Variants in DNAJC10 observed in about 807,000 individuals in gnomAD.
DNAJC10 encodes endoplasmic reticulum disulfide reductase DNAJC10.
A neutral mutation model predicts 115.0 loss-of-function variants in DNAJC10; 101 were observed. That is an observed-to-expected ratio of 0.88 (90% CI 0.75 to 1.04). The LOEUF (loss-of-function observed/expected upper bound fraction) is 1.04. Among genes scored for constraint, DNAJC10 ranks in the 50% least tolerant of loss-of-function variants. The pLI is 0.00. For synonymous variants in DNAJC10, 307 were observed against 301.5 expected (o/e 1.02, Z -0.19); for missense variants, 981 against 928.8 (o/e 1.06, Z -0.73).
rs1488746981 is a variant in DNAJC10 at position 182,778,680 on chromosome 2, CTCTG to C, written c.*1553_*1556del. ...CTCCCATCTTTTTCGCTACTATATA[CTCTG>C]TCTGGATTCTGCTGTATGCCTGTTG... is the stretch of plus-strand genomic sequence containing the variant. On this transcript the variant is annotated 3_prime_UTR_variant, in exon 24 of 24. Transcript: ENST00000264065. 1 of 152,164 alleles carries C rather than the reference CTCTG, an allele frequency of 6.6e-6. No individual in the cohort carries two copies. The highest frequency in any genetic ancestry group is 1.5e-5 in the Non-Finnish European group (1 of 68,038). 9.4% of individuals were successfully genotyped at this position (152,164 alleles called of 1,614,324 possible).
chr2:182,776,475 TA>T (rs879803583), intron 23 of DNAJC10, among the ~76,000 whole-genome samples: 3 of 152,210 alleles, frequency 2.0e-5, no homozygotes, highest in Admixed American at 2.0e-4. Context: ...AAATGGAATT[TA>T]ATACAATCAC....
rs1189964751 is a variant in DNAJC10 at position 182,720,037 on chromosome 2, AAAAT to A, written c.241_244del (p.Asn81GlufsTer51). The stretch of plus-strand genomic sequence containing the variant: ...CCCAAATGCACATGGCGATTTTTTA[AAAAT>A]AAATAGAGCATATGAAGTACTCAAA... On this transcript the variant is annotated frameshift_variant, in exon 4 of 24. Coordinates refer to ENST00000264065, the MANE Select transcript of DNAJC10 (RefSeq NM_018981.4). LOFTEE classifies it high-confidence loss of function. The A allele has an allele frequency of 6.3e-7, 1 of 1,579,612 alleles. No homozygotes were observed. Among genetic ancestry groups the A allele is most frequent in the South Asian group, 1.1e-5 (1 of 87,594 alleles).
intron 7 of DNAJC10, 54 bp downstream of exon 7, chr2:182,729,048 A>T: frequency 6.4e-7 from 1 of 1,557,574 alleles, no homozygotes; most frequent in Admixed American, 1.7e-5. Context: ...GACAAGTTAA[A>T]TAGTAGAGAA....
intron 21 of DNAJC10, 88 bp downstream of exon 21, chr2:182,759,395 T>TGTATGTATGTAAAA (rs1438709453): frequency 7.5e-7 from 1 of 1,336,702 alleles, no homozygotes; most frequent in African/African-American, 1.5e-5. Context: ...TTTTTAGGTT[T>TGTATGTATGTAAAA]TTTTCTTAAA....
rs576897988 is a variant in DNAJC10, at chr2:182,718,850, A to G, written c.204+560A>G. Among the ~76,000 whole-genome samples the G allele has an allele frequency of 2.0e-5, 3 of 152,164 alleles. No individual in the cohort carries two copies. The South Asian group carries it at 6.2e-4, about 32-fold the overall frequency. On this transcript the variant is annotated intron_variant, in intron 3 of 23. Coordinates refer to ENST00000264065, the MANE Select transcript of DNAJC10 (RefSeq NM_018981.4). Reference sequence around the variant, plus strand: ...ATGTAAATCTTTCAAAACTAAACTCATTTTAATTTTTATGGTGTTTTTGTA... The same window carrying G: ...ATGTAAATCTTTCAAAACTAAACTCGTTTTAATTTTTATGGTGTTTTTGTA...
At chr2:182,769,908 G>C (rs1244550861) in intron 22 of DNAJC10, among the ~76,000 whole-genome samples, 2 of 152,158 alleles carry the variant, frequency 1.3e-5, no homozygotes, top group Non-Finnish European at 2.9e-5. Flanking sequence ...CCTATGTCCT[G>C]AATGGTATTG....
chr2:182,749,901 T>C (rs1693972131), intron 14 of DNAJC10, among the ~76,000 whole-genome samples: 2 of 152,178 alleles, frequency 1.3e-5, no homozygotes, highest in South Asian at 4.1e-4. Context: ...GCTGTGGTCA[T>C]CTGAAGTCTA....
chr2:182,752,221 A>T, intron 16 of DNAJC10, 33 bp downstream of exon 16: 3 of 1,177,672 alleles, frequency 2.5e-6, no homozygotes, highest in Non-Finnish European at 3.5e-6. Context: ...ATTCTAATTA[A>T]TTTTATAAAA....
intron 5 of DNAJC10, among the ~76,000 whole-genome samples, chr2:182,726,480 C>A (rs1448922791): frequency 1.3e-5 from 2 of 152,024 alleles, no homozygotes; most frequent in African/African-American, 4.8e-5. Flanking sequence ...GGTTTGAGGC[C>A]AGTTTTGACT....
rs1402467691 is a variant in DNAJC10, at chr2:182,728,994, G to A, written c.633G>A (p.Met211Ile). The A allele has an allele frequency of 1.2e-6, 2 of 1,613,802 alleles. No homozygotes were observed. Among genetic ancestry groups the A allele is most frequent in the African/African-American group, 1.3e-5 (1 of 74,994 alleles). ...YPSLFIFRSGMAPVKYHGDRS... is the reference protein window; with the variant it reads ...YPSLFIFRSGIAPVKYHGDRS... The stretch of plus-strand genomic sequence containing the variant: ...GCCTCTTCATTTTTCGGTCTGGAAT[G>A]GTAAGGGATAAAGTTAGCATTTTTT... Residue 211 changes from methionine to isoleucine, a missense_variant and splice_region_variant, in exon 7 of 24, where the codon ATG (methionine) becomes ATA (isoleucine). Coordinates refer to ENST00000264065, the MANE Select transcript of DNAJC10 (RefSeq NM_018981.4).
chr2:182,747,326 T>C (rs974601229), intron 14 of DNAJC10, among the ~76,000 whole-genome samples: 8 of 152,206 alleles, frequency 5.3e-5, no homozygotes. Flanking sequence ...TTGGGCAGTA[T>C]GGCCATTGTC....
rs1367772238 is a variant in DNAJC10, at chr2:182,790,375, A to G, written c.*13243A>G. On this transcript the variant is annotated 3_prime_UTR_variant, in exon 24 of 24. Coordinates refer to ENST00000264065, the MANE Select transcript of DNAJC10 (RefSeq NM_018981.4). Reference sequence around the variant, plus strand: ...GCATGTGAAACTTGAGAAAACTGCAAATCTAATACCTTGGTCTTACAGAAC... The same window carrying G: ...GCATGTGAAACTTGAGAAAACTGCAGATCTAATACCTTGGTCTTACAGAAC... The G allele has an allele frequency of 1.3e-5, 2 of 152,182 alleles. No homozygotes were observed. Among genetic ancestry groups the G allele is most frequent in the Admixed American group, 1.3e-4 (2 of 15,270 alleles). The allele number at this position is 152,182 out of a possible 1,614,324, so 9.4% of individuals were successfully genotyped here.
chr2:182,783,025 T>C lies in DNAJC10; in HGVS notation c.*5893T>C, dbSNP rs1287034496. On this transcript the variant is annotated 3_prime_UTR_variant, in exon 24 of 24. Transcript: ENST00000264065. ...GCTTGCAGCTTTTGCCCATTCAGTA[T>C]GATATTGGCTGTGGTTTTGTCATAA... is the stretch of plus-strand genomic sequence containing the variant. The C allele has an allele frequency of 6.6e-6, 1 of 152,188 alleles. No homozygotes were observed. The highest frequency in any genetic ancestry group is 1.5e-5 in the Non-Finnish European group (1 of 68,034). 9.4% of individuals were successfully genotyped at this position (152,188 alleles called of 1,614,324 possible).
At chr2:182,767,107 C>G (rs1411005056) in intron 22 of DNAJC10, among the ~76,000 whole-genome samples, 1 of 152,102 alleles carries the variant, frequency 6.6e-6, no homozygotes, top group Non-Finnish European at 1.5e-5. Flanking sequence ...GGGAATGAAG[C>G]GTAGAGTGGA....
At chr2:182,752,991 G>A (rs569505238) in intron 16 of DNAJC10, among the ~76,000 whole-genome samples, 2 of 152,300 alleles carry the variant, frequency 1.3e-5, no homozygotes, top group East Asian at 3.9e-4. Flanking sequence ...GATAATTGGG[G>A]AAATGTGAAC....
chr2:182,740,519 TA>T (rs764222143), intron 12 of DNAJC10, 131 bp downstream of exon 12: 1 of 823,994 alleles, frequency 1.2e-6, no homozygotes, highest in Non-Finnish European at 1.8e-6. Context: ...AAGGATTATA[TA>T]TTAGTCAATT....
In DNAJC10 at chr2:182,723,785, T is replaced by C. The variant is rs1226571087; in HGVS notation, c.418+1710T>C. On this transcript the variant is annotated intron_variant, in intron 5 of 23. Transcript: ENST00000264065. ...TATATTGTATATGGGTTCACACTTT[T>C]TCAGATGTGTCACTATGCAGAAAAG... is the stretch of plus-strand genomic sequence containing the variant. 2.0e-5 allele frequency among the ~76,000 whole-genome samples: 3 copies of C among 152,236 alleles called. No homozygotes were observed. In the South Asian group the frequency reaches 6.2e-4, roughly 31 times the overall value.
intron 19 of DNAJC10, among the ~76,000 whole-genome samples, chr2:182,758,043 AAAGG>A (rs1694201134): frequency 6.6e-6 from 1 of 152,188 alleles, no homozygotes; most frequent in South Asian, 2.1e-4. Flanking sequence ...AAAGATAAGG[AAAGG>A]AAGAGCTAAC....
chr2:182,761,430 A>G (rs1037836797), intron 21 of DNAJC10, among the ~76,000 whole-genome samples: 4 of 152,126 alleles, frequency 2.6e-5, no homozygotes, highest in African/African-American at 9.7e-5. Flanking sequence ...GTGCCCTAAC[A>G]CAAGTTAGTC....
Sources: allele counts gnomAD v4.1 joint callset (sites outside exome capture counted in the v4.1 genomes callset), GRCh38; gene constraint gnomAD v4.1.1; transcripts MANE v1.5; gene names NCBI Gene and HGNC (gene_info 2026-07-23, HGNC 2026-07-21).